Variants in INPP4B observed in about 807,000 individuals in gnomAD.
The protein encoded by INPP4B is inositol polyphosphate-4-phosphatase type II B.
A neutral mutation model predicts 122.5 loss-of-function variants in INPP4B; 55 were observed. That is an observed-to-expected ratio of 0.45 (90% CI 0.36 to 0.56). The LOEUF (loss-of-function observed/expected upper bound fraction) is 0.56, where lower values mean the gene tolerates loss of function less well. Ranked by LOEUF, INPP4B falls within the 20% of genes least tolerant of loss-of-function variation. The pLI is 0.00. For missense variants in INPP4B, 1,000 were observed against 1,097.7 expected, an observed-to-expected ratio of 0.91 and a Z score of 1.26; for synonymous variants, 403 against 388.7, an observed-to-expected ratio of 1.04 and a Z score of -0.43.
chr4:142,791,139 G>C (rs1776504312), intron 1 of INPP4B, among the ~76,000 whole-genome samples: 1 of 152,150 alleles, frequency 6.6e-6, no homozygotes, highest in East Asian at 1.9e-4. Context: ...AAAGGAAATA[G>C]AGATAGAGAA....
chr4:142,782,444 C>T (rs374158019), intron 1 of INPP4B, among the ~76,000 whole-genome samples: 1 of 151,724 alleles, frequency 6.6e-6, no homozygotes, highest in Non-Finnish European at 1.5e-5. Flanking sequence ...AATAAACATA[C>T]GTGTGCATGT....
chr4:142,331,583 T>C (rs561536600), intron 7 of INPP4B, among the ~76,000 whole-genome samples: 91 of 152,340 alleles, frequency 6.0e-4, no homozygotes, highest in Middle Eastern at 6.8e-3. Context: ...TAATTAGGCT[T>C]CAGCTTAATA....
intron 3 of INPP4B, among the ~76,000 whole-genome samples, chr4:142,457,435 G>C (rs1020849214): frequency 3.6e-4 from 54 of 151,860 alleles, no homozygotes; most frequent in African/African-American, 1.2e-3. Flanking sequence ...AACTCCATAA[G>C]AAAACAAAAA....
At chr4:142,629,911 T>C (rs1747546932) in intron 2 of INPP4B, among the ~76,000 whole-genome samples, 1 of 152,082 alleles carries the variant, frequency 6.6e-6, no homozygotes, top group Admixed American at 6.6e-5. Flanking sequence ...TGTCCAAGGT[T>C]GGATGTAGGA....
Position 142,550,224 on chromosome 4 carries a change from G to C in INPP4B, c.-190-87498C>G, listed in dbSNP as rs115316102. 8.3e-3 allele frequency among the ~76,000 whole-genome samples: 1,262 copies of C among 152,170 alleles called. 15 individuals carry two copies. The highest frequency in any genetic ancestry group is 0.027 in the African/African-American group (1,127 of 41,512). On this transcript the variant is annotated intron_variant, in intron 2 of 25. Transcript: ENST00000262992. ...GGGTGGAAAATGCTCACTATGTGGT[G>C]GGCACAGGAGATTCTATTGTGCTTT...
At chr4:142,670,372 T>TC (rs1172367993) in intron 2 of INPP4B, among the ~76,000 whole-genome samples, 1 of 152,080 alleles carries the variant, frequency 6.6e-6, no homozygotes, top group Non-Finnish European at 1.5e-5. Context: ...TACACAATAG[T>TC]CAAGGTACTG....
intron 11 of INPP4B, among the ~76,000 whole-genome samples, chr4:142,258,223 A>C (rs1214469067): frequency 6.6e-6 from 1 of 152,224 alleles, no homozygotes; most frequent in Non-Finnish European, 1.5e-5. Context: ...TAAAGACTTA[A>C]ACGTTACACC....
intron 1 of INPP4B, among the ~76,000 whole-genome samples, chr4:142,766,356 A>G (rs530131393): frequency 1.2e-4 from 19 of 152,180 alleles, no homozygotes; most frequent in Non-Finnish European, 2.1e-4. Flanking sequence ...GGTTAGTCTG[A>G]CAGCAGAAAG....
intron 1 of INPP4B, among the ~76,000 whole-genome samples, chr4:142,788,415 A>G (rs1481487987): frequency 6.6e-6 from 1 of 152,144 alleles, no homozygotes; most frequent in Non-Finnish European, 1.5e-5. Context: ...GTCACCTACT[A>G]GTAACATGTG....
chr4:142,371,481 A>G (rs1789890940), intron 7 of INPP4B, among the ~76,000 whole-genome samples: 1 of 152,178 alleles, frequency 6.6e-6, no homozygotes. Context: ...AACAGATTAA[A>G]GAGGCAACCT....
intron 2 of INPP4B, among the ~76,000 whole-genome samples, chr4:142,529,534 T>G (rs998189275): frequency 6.6e-6 from 1 of 152,030 alleles, no homozygotes; most frequent in Non-Finnish European, 1.5e-5. Context: ...TTCATAAAAA[T>G]ATATTTTATG....
At chr4:142,238,093 A>G (rs1198752230) in intron 11 of INPP4B, 82 bp from the exon 12 acceptor site, 2 of 603,938 alleles carry the variant, frequency 3.3e-6, no homozygotes, top group Non-Finnish European at 5.6e-6. Flanking sequence ...ACCATTAATC[A>G]AGATGGCATT....
intron 2 of INPP4B, among the ~76,000 whole-genome samples, chr4:142,621,937 C>T (rs1745031487): frequency 6.6e-6 from 1 of 151,888 alleles, no homozygotes; most frequent in Non-Finnish European, 1.5e-5. Context: ...TAATAGCCTA[C>T]TTTTACAGGT....
intron 2 of INPP4B, among the ~76,000 whole-genome samples, chr4:142,482,501 A>T (rs1049835902): frequency 3.3e-5 from 5 of 152,214 alleles, no homozygotes; most frequent in African/African-American, 1.2e-4. Context: ...AAAATAAAAC[A>T]AAATGTATTG....
At chr4:142,582,624 A>G (rs183481002) in intron 2 of INPP4B, among the ~76,000 whole-genome samples, 65 of 152,266 alleles carry the variant, frequency 4.3e-4, no homozygotes, top group African/African-American at 1.4e-3. Context: ...TGGTCTAACC[A>G]AAGAGGAAAG....
intron 18 of INPP4B, among the ~76,000 whole-genome samples, chr4:142,143,628 T>C (rs940854250): frequency 3.3e-5 from 5 of 152,036 alleles, no homozygotes; most frequent in African/African-American, 1.2e-4. Flanking sequence ...TCCACATTGA[T>C]ATAAAAAATG....
At chr4:142,093,126 A>C (rs979394619) in intron 23 of INPP4B, among the ~76,000 whole-genome samples, 1 of 152,116 alleles carries the variant, frequency 6.6e-6, no homozygotes, top group Non-Finnish European at 1.5e-5. Context: ...GAACCCAGCC[A>C]TTATGCTGGA....
intron 9 of INPP4B, among the ~76,000 whole-genome samples, chr4:142,302,316 G>A (rs962754473): frequency 1.3e-5 from 2 of 152,078 alleles, no homozygotes; most frequent in Admixed American, 1.3e-4. Context: ...TGAAAAACTG[G>A]TTCTGGGCCT....
rs192852984 is a variant in INPP4B at position 142,462,750 on chromosome 4, A to C, written c.-190-24T>G. On this transcript the variant is annotated intron_variant, in intron 2 of 25. Transcript: ENST00000262992. The stretch of plus-strand genomic sequence containing the variant: ...CTCTGCAAAAAACAAAATGGAAAGA[A>C]GTCAGGATTTAGTGTTTACTGGAAA... 9 of 152,316 alleles carry C rather than the reference A, an allele frequency of 5.9e-5. No individual in the cohort carries two copies. In the East Asian group the frequency reaches 1.7e-3, roughly 29 times the overall value. The allele number at this position is 152,316 out of a possible 1,614,324, so 9.4% of individuals were successfully genotyped here. A position where few individuals can be genotyped will look rare whatever the true frequency, so the allele number is the denominator to read the frequency against.
Sources: allele counts gnomAD v4.1 joint callset (sites outside exome capture counted in the v4.1 genomes callset), GRCh38; gene constraint gnomAD v4.1.1; transcripts MANE v1.5; gene names NCBI Gene and HGNC (gene_info 2026-07-23, HGNC 2026-07-21).